The following TMEFF2 variants were observed in gnomAD, a reference collection of about 807,000 sequenced individuals.
TMEFF2 encodes tomoregulin-2.
In TMEFF2, 28 loss-of-function variants were observed where a neutral mutation model predicts 53.8. That is an observed-to-expected ratio of 0.52 (90% CI 0.39 to 0.71). The LOEUF is 0.71. TMEFF2 is among the 30% of genes least tolerant of loss of function. The pLI, the probability that TMEFF2 is intolerant of heterozygous loss-of-function variation, is 0.00. For synonymous variants in TMEFF2, 162 were observed against 166.3 expected (o/e 0.97, Z 0.20); for missense variants, 353 against 455.2 (o/e 0.78, Z 2.04).
At chr2:192,096,486 C>T (rs1488641785) in intron 4 of TMEFF2, among the ~76,000 whole-genome samples, 4 of 151,900 alleles carry the variant, frequency 2.6e-5, no homozygotes, top group Non-Finnish European at 5.9e-5. Flanking sequence ...TGCCTACAAA[C>T]AATTTTGTTT....
chr2:192,017,220 G>A (rs1338992060), intron 5 of TMEFF2, among the ~76,000 whole-genome samples: 1 of 152,210 alleles, frequency 6.6e-6, no homozygotes, highest in African/African-American at 2.4e-5. Context: ...TGGAGAGGCA[G>A]GTGGGGCCAG....
intron 4 of TMEFF2, among the ~76,000 whole-genome samples, chr2:192,069,988 G>GTATATATA (rs55800219): frequency 5.9e-5 from 7 of 118,870 alleles, no homozygotes; most frequent in Admixed American, 1.6e-4. Flanking sequence ...GTGTGTGTGT[G>GTATATATA]TATATATATA....
At chr2:192,014,383 TC>T (rs1686700422) in intron 5 of TMEFF2, among the ~76,000 whole-genome samples, 1 of 152,240 alleles carries the variant, frequency 6.6e-6, no homozygotes, top group African/African-American at 2.4e-5. Context: ...TATATAATTT[TC>T]ATATTTTTTC....
At chr2:192,120,112 A>G (rs1689513874) in intron 4 of TMEFF2, among the ~76,000 whole-genome samples, 1 of 152,188 alleles carries the variant, frequency 6.6e-6, no homozygotes, top group South Asian at 2.1e-4. Context: ...CTTGGCTGGT[A>G]GGGCAAATTT....
intron 4 of TMEFF2, among the ~76,000 whole-genome samples, chr2:192,066,835 C>T (rs1378769439): frequency 6.6e-6 from 1 of 151,780 alleles, no homozygotes; most frequent in Non-Finnish European, 1.5e-5. Context: ...GAAAATATAT[C>T]ATATCAACTA....
At chr2:191,984,109 C>CT (rs1034144439) in intron 7 of TMEFF2, among the ~76,000 whole-genome samples, 1 of 151,796 alleles carries the variant, frequency 6.6e-6, no homozygotes, top group Admixed American at 6.6e-5. Flanking sequence ...TTCGTAAGTT[C>CT]TTTTTTTCTT....
chr2:192,012,954 A>T (rs1157821394), intron 5 of TMEFF2, among the ~76,000 whole-genome samples: 1 of 152,230 alleles, frequency 6.6e-6, no homozygotes, highest in Non-Finnish European at 1.5e-5. Context: ...TCAGGATATA[A>T]AAAACAGCAA....
chr2:192,140,782 T>A (rs966905622), intron 4 of TMEFF2, among the ~76,000 whole-genome samples: 2 of 152,136 alleles, frequency 1.3e-5, no homozygotes, highest in Non-Finnish European at 2.9e-5. Context: ...ATAATTTCAA[T>A]TTTTCAACAA....
At chr2:192,041,944 T>C (rs1687493392) in intron 5 of TMEFF2, among the ~76,000 whole-genome samples, 1 of 152,128 alleles carries the variant, frequency 6.6e-6, no homozygotes, top group Admixed American at 6.5e-5. Context: ...GTGCGGTGGC[T>C]CATGCCTGTA....
Position 191,953,831 on chromosome 2 carries a change from A to G in TMEFF2, c.876T>C (p.Asp292=), listed in dbSNP as rs778664941. ...INMQEPSCRC[D]AGYTGQHCEK... Reference sequence around the variant, plus strand: ...CACAGTGTTGTCCAGTATAACCAGCATCACACCTGGAAGAAATTATAGTGC... The same window carrying G: ...CACAGTGTTGTCCAGTATAACCAGCGTCACACCTGGAAGAAATTATAGTGC... The change falls in exon 9 of 10, where the codon GAT becomes GAC. Residue 292 remains aspartate, a synonymous_variant. Coordinates refer to ENST00000272771, the MANE Select transcript of TMEFF2 (RefSeq NM_016192.4). 3.7e-6 allele frequency: 6 copies of G among 1,607,930 alleles called. No individual in the cohort carries two copies. The highest frequency in any genetic ancestry group is 1.3e-5 in the African/African-American group (1 of 74,506).
chr2:191,995,674 A>G (rs1686206301), intron 7 of TMEFF2, among the ~76,000 whole-genome samples: 1 of 152,052 alleles, frequency 6.6e-6, no homozygotes, highest in Non-Finnish European at 1.5e-5. Flanking sequence ...GAACATGACT[A>G]TTACTTAAAT....
intron 5 of TMEFF2, among the ~76,000 whole-genome samples, chr2:192,001,571 A>T (rs879887976): frequency 6.6e-6 from 1 of 152,140 alleles, no homozygotes; most frequent in Non-Finnish European, 1.5e-5. Context: ...CCTAAATTTC[A>T]TCTTGAATTG....
rs908977617 is a variant in TMEFF2, at chr2:192,108,496, C to T, written c.440-50721G>A. ...CCTTCGTGTTTAAATTCTTTAATGT[C>T]GTTAACACATTGCAACAAATTCTTT... On this transcript the variant is annotated intron_variant, in intron 4 of 9. Coordinates refer to ENST00000272771, the MANE Select transcript of TMEFF2 (RefSeq NM_016192.4). Among the ~76,000 whole-genome samples the T allele has an allele frequency of 2.6e-5, 4 of 151,702 alleles. No homozygotes were observed. The East Asian group carries it at 7.7e-4, about 29-fold the overall frequency.
intron 4 of TMEFF2, among the ~76,000 whole-genome samples, chr2:192,133,765 G>A (rs112960889): frequency 6.6e-5 from 10 of 152,248 alleles, no homozygotes; most frequent in South Asian, 2.1e-4. Context: ...AGATTACCTG[G>A]GCTGTACTGC....
intron 3 of TMEFF2, among the ~76,000 whole-genome samples, chr2:192,183,609 G>A (rs905032924): frequency 3.3e-5 from 5 of 151,972 alleles, no homozygotes. Context: ...TACAATATAT[G>A]TGATTTTGAT....
intron 7 of TMEFF2, among the ~76,000 whole-genome samples, chr2:191,985,679 T>C (rs936753834): frequency 1.3e-5 from 2 of 152,210 alleles, no homozygotes; most frequent in Non-Finnish European, 2.9e-5. Flanking sequence ...GAAAATAACA[T>C]TGCTGTGAAA....
At chr2:191,965,097 C>A (rs1480192100) in intron 7 of TMEFF2, among the ~76,000 whole-genome samples, 1 of 152,114 alleles carries the variant, frequency 6.6e-6, no homozygotes, top group Non-Finnish European at 1.5e-5. Flanking sequence ...CATTTTACTG[C>A]CTCTGACTTC....
intron 4 of TMEFF2, among the ~76,000 whole-genome samples, chr2:192,128,856 T>C (rs1227277680): frequency 1.3e-5 from 2 of 152,020 alleles, no homozygotes. Context: ...TCACAGAAAA[T>C]GCATTTTCAT....
chr2:192,102,113 G>A (rs987631380), intron 4 of TMEFF2, among the ~76,000 whole-genome samples: 2 of 152,048 alleles, frequency 1.3e-5, no homozygotes, highest in African/African-American at 4.8e-5. Flanking sequence ...ATAATAAATA[G>A]TATGTCTGGG....
Sources: allele counts gnomAD v4.1 joint callset (sites outside exome capture counted in the v4.1 genomes callset), GRCh38; gene constraint gnomAD v4.1.1; transcripts MANE v1.5; gene names NCBI Gene and HGNC (gene_info 2026-07-23, HGNC 2026-07-21).